Variants in PIP5K1B observed in about 807,000 individuals in gnomAD.
The protein encoded by PIP5K1B is phosphatidylinositol 4-phosphate 5-kinase type-1 beta.
A neutral mutation model predicts 67.0 loss-of-function variants in PIP5K1B; 42 were observed. That is an observed-to-expected ratio of 0.63 (90% CI 0.49 to 0.81). The LOEUF is 0.81. Ranked by LOEUF, PIP5K1B falls within the 30% of genes least tolerant of loss-of-function variation. The probability of loss-of-function intolerance (pLI) is 0.00; values close to 1 mark genes in which losing one functional copy is unlikely to be tolerated. For synonymous variants in PIP5K1B, 214 were observed against 231.4 expected (o/e 0.92, Z 0.68); for missense variants, 459 against 646.3 (o/e 0.71, Z 3.14).
chr9:68,909,761 C>G (rs186400013), intron 8 of PIP5K1B, among the ~76,000 whole-genome samples: 2 of 152,282 alleles, frequency 1.3e-5, no homozygotes, highest in East Asian at 3.9e-4. Flanking sequence ...TTTGATGTCT[C>G]CCCTCATCAG....
At chr9:68,957,174 C>T (rs1207800056) in intron 14 of PIP5K1B, among the ~76,000 whole-genome samples, 1 of 151,826 alleles carries the variant, frequency 6.6e-6, no homozygotes, top group East Asian at 1.9e-4. Flanking sequence ...AAGATGGCTG[C>T]CATAGCTTCA....
At chr9:68,894,685 G>A (rs747976534) in intron 8 of PIP5K1B, 47 bp downstream of exon 8, 9 of 1,537,972 alleles carry the variant, frequency 5.9e-6, no homozygotes, top group Non-Finnish European at 7.1e-6. Flanking sequence ...CTGTGCTCAT[G>A]TAAACTGTGG....
At chr9:68,706,624 G>A (rs1827138401) in intron 1 of PIP5K1B, among the ~76,000 whole-genome samples, 2 of 152,128 alleles carry the variant, frequency 1.3e-5, no homozygotes, top group Admixed American at 6.5e-5. Context: ...TTTTTAAAGG[G>A]AGCGTGTTAC....
chr9:68,957,483 A>C (rs73647046), intron 14 of PIP5K1B, among the ~76,000 whole-genome samples: 1 of 152,326 alleles, frequency 6.6e-6, no homozygotes, highest in African/African-American at 2.4e-5. Context: ...AGACATATTA[A>C]CAAGAGAAAG....
intron 14 of PIP5K1B, among the ~76,000 whole-genome samples, chr9:68,985,799 G>A (rs1830072977): frequency 6.6e-6 from 1 of 152,218 alleles, no homozygotes; most frequent in African/African-American, 2.4e-5. Flanking sequence ...AGAGACATGA[G>A]TCTGCTTTTC....
intron 13 of PIP5K1B, 132 bp from the exon 14 acceptor site, chr9:68,940,514 G>A (rs1212530355): frequency 1.2e-5 from 9 of 764,088 alleles, no homozygotes; most frequent in African/African-American, 1.8e-5. Flanking sequence ...AAAAAAAAGT[G>A]CAGTTAATTC....
Position 68,903,725 on chromosome 9 carries a change from T to C in PIP5K1B, c.771+9087T>C, listed in dbSNP as rs576735436. 5.9e-5 allele frequency among the ~76,000 whole-genome samples: 9 copies of C among 152,332 alleles called. No homozygotes were observed. The South Asian group carries it at 1.9e-3, about 32-fold the overall frequency. On this transcript the variant is annotated intron_variant, in intron 8 of 15. Transcript: ENST00000265382. ...AATCAAAATAACTCTATGCTGTTGT[T>C]CATGCCTGACTTTCTACTAAGTAAG...
chr9:68,721,963 C>G (rs1827908583), intron 1 of PIP5K1B, among the ~76,000 whole-genome samples: 1 of 152,094 alleles, frequency 6.6e-6, no homozygotes, highest in African/African-American at 2.4e-5. Flanking sequence ...CATGTACAGC[C>G]TACTGTTTCG....
chr9:68,901,312 T>A (rs1441114562), intron 8 of PIP5K1B, among the ~76,000 whole-genome samples: 1 of 152,198 alleles, frequency 6.6e-6, no homozygotes, highest in East Asian at 1.9e-4. Context: ...CAGGCTATAG[T>A]GTAGTGCATA....
chr9:68,785,184 A>G (rs1027750239), intron 2 of PIP5K1B, among the ~76,000 whole-genome samples: 9 of 152,186 alleles, frequency 5.9e-5, no homozygotes, highest in African/African-American at 2.2e-4. Flanking sequence ...TGTGTGAAGT[A>G]GTTAAGGGTT....
intron 4 of PIP5K1B, among the ~76,000 whole-genome samples, chr9:68,835,529 A>G (rs752414120): frequency 1.6e-4 from 25 of 152,326 alleles, no homozygotes; most frequent in African/African-American, 3.6e-4. Context: ...CCTACTCCCA[A>G]TGGAATTTAA....
At chr9:68,847,755 AC>A (rs1401936913) in intron 4 of PIP5K1B, among the ~76,000 whole-genome samples, 2 of 152,052 alleles carry the variant, frequency 1.3e-5, no homozygotes, top group Non-Finnish European at 2.9e-5. Context: ...TTTGGCCCTG[AC>A]CCATCTCCAC....
intron 5 of PIP5K1B, among the ~76,000 whole-genome samples, chr9:68,876,434 A>G (rs1823902870): frequency 6.6e-6 from 1 of 152,156 alleles, no homozygotes; most frequent in Non-Finnish European, 1.5e-5. Flanking sequence ...GGATAAATGA[A>G]TTTTCAGGCA....
At chr9:68,757,097 T>C (rs1829963050) in intron 2 of PIP5K1B, among the ~76,000 whole-genome samples, 1 of 152,146 alleles carries the variant, frequency 6.6e-6, no homozygotes, top group African/African-American at 2.4e-5. Flanking sequence ...CCCAAGTTGT[T>C]CCAACATACT....
chr9:68,969,171 A>G (rs1829211381), intron 14 of PIP5K1B, among the ~76,000 whole-genome samples: 1 of 152,092 alleles, frequency 6.6e-6, no homozygotes, highest in African/African-American at 2.4e-5. Flanking sequence ...GATCGAGACC[A>G]TCCTGGCTAA....
chr9:68,889,416 C>T (rs1478069233), intron 7 of PIP5K1B, among the ~76,000 whole-genome samples: 1 of 152,096 alleles, frequency 6.6e-6, no homozygotes, highest in African/African-American at 2.4e-5. Flanking sequence ...ACTGGTCAGC[C>T]TTAGTTCCCT....
chr9:68,961,216 C>CA (rs544251006), intron 14 of PIP5K1B, among the ~76,000 whole-genome samples: 2,342 of 56,080 alleles, frequency 0.042, 33 homozygotes, highest in Non-Finnish European at 0.059. Context: ...GACTCCGTCT[C>CA]AAAAAAAAAA....
intron 2 of PIP5K1B, among the ~76,000 whole-genome samples, chr9:68,812,999 A>G (rs1477025427): frequency 5.3e-5 from 8 of 152,270 alleles, no homozygotes; most frequent in African/African-American, 1.4e-4. Flanking sequence ...GCATCAGACT[A>G]ACATGAAACT....
At chr9:68,838,768 T>A (rs923141415) in intron 4 of PIP5K1B, among the ~76,000 whole-genome samples, 9 of 152,158 alleles carry the variant, frequency 5.9e-5, no homozygotes, top group Non-Finnish European at 1.2e-4. Flanking sequence ...ATAAATTTTT[T>A]AATTAATTAA....
Sources: allele counts gnomAD v4.1 joint callset (sites outside exome capture counted in the v4.1 genomes callset), GRCh38; gene constraint gnomAD v4.1.1; transcripts MANE v1.5; gene names NCBI Gene and HGNC (gene_info 2026-07-23, HGNC 2026-07-21).